Variants in DOCK3 observed in about 807,000 individuals in gnomAD.
DOCK3 encodes the protein dedicator of cytokinesis protein 3.
In DOCK3, 60 loss-of-function variants were observed where a neutral mutation model predicts 265.6. The ratio of observed to expected loss-of-function variants is 0.23; its 90% CI spans 0.18 to 0.28. The LOEUF (loss-of-function observed/expected upper bound fraction) is 0.28. Among genes scored for constraint, DOCK3 ranks in the 10% least tolerant of loss-of-function variants. The probability of loss-of-function intolerance (pLI) is 1.00; values close to 1 mark genes in which losing one functional copy is unlikely to be tolerated. For missense variants in DOCK3, 1,981 were observed against 2,594.3 expected, an observed-to-expected ratio of 0.76 and a Z score of 5.14; for synonymous variants, 881 against 938.0, an observed-to-expected ratio of 0.94 and a Z score of 1.11.
At chr3:50,926,857 C>CAG (rs2050783514) in intron 4 of DOCK3, among the ~76,000 whole-genome samples, 2 of 152,326 alleles carry the variant, frequency 1.3e-5, no homozygotes, top group African/African-American at 2.4e-5. Flanking sequence ...GCACCACCTT[C>CAG]TAACTGGTCT....
At chr3:51,307,649 G>T (rs2082760883) in intron 27 of DOCK3, among the ~76,000 whole-genome samples, 1 of 151,928 alleles carries the variant, frequency 6.6e-6, no homozygotes, top group Non-Finnish European at 1.5e-5. Context: ...AGAGCCTCAA[G>T]GTCAGCACAG....
chr3:50,887,926 A>C (rs2048423058), intron 3 of DOCK3, among the ~76,000 whole-genome samples: 1 of 152,194 alleles, frequency 6.6e-6, no homozygotes, highest in Admixed American at 6.5e-5. Context: ...AAAAACTGGA[A>C]GTATTCACTT....
chr3:51,277,505 A>C (rs140490155), intron 25 of DOCK3, 103 bp from the exon 26 acceptor site: 2 of 1,394,740 alleles, frequency 1.4e-6, no homozygotes, highest in Non-Finnish European at 1.9e-6. Flanking sequence ...TGGTGTTGGG[A>C]ATCCAGAAGA....
Position 51,263,487 on chromosome 3 carries a change from C to T in DOCK3, c.2355+3161C>T, listed in dbSNP as rs575701024. Among the ~76,000 whole-genome samples the T allele has an allele frequency of 1.1e-4, 16 of 152,180 alleles. 2 individuals carry two copies. Among genetic ancestry groups the T allele is most frequent in the South Asian group, 6.2e-4 (3 of 4,828 alleles). On this transcript the variant is annotated intron_variant, in intron 23 of 52. Coordinates refer to ENST00000266037, the MANE Select transcript of DOCK3 (RefSeq NM_004947.5). ...AAACATACCAAATTATAAGGATCAT[C>T]GACACTATGAAGAAACTGCATCAAC...
At chr3:51,371,869 A>G (rs1227294248) in intron 49 of DOCK3, among the ~76,000 whole-genome samples, 1 of 152,230 alleles carries the variant, frequency 6.6e-6, no homozygotes, top group Non-Finnish European at 1.5e-5. Flanking sequence ...TGTGAGCTCC[A>G]TGAGGTGAGA....
intron 11 of DOCK3, 101 bp from the exon 12 acceptor site, chr3:51,160,454 C>T: frequency 1.4e-6 from 2 of 1,419,462 alleles, no homozygotes; most frequent in Non-Finnish European, 1.9e-6. Flanking sequence ...TAGAGGATTT[C>T]CTAGGTGCCT....
chr3:50,957,043 G>A (rs2076750699), intron 5 of DOCK3, among the ~76,000 whole-genome samples: 1 of 152,132 alleles, frequency 6.6e-6, no homozygotes, highest in Non-Finnish European at 1.5e-5. Flanking sequence ...GGGATTACAG[G>A]CGTGAGCCAC....
chr3:51,032,589 AT>A (rs1273389234), intron 5 of DOCK3, among the ~76,000 whole-genome samples: 4 of 152,044 alleles, frequency 2.6e-5, no homozygotes, highest in Non-Finnish European at 5.9e-5. Context: ...TCATGGATAA[AT>A]TTTTTCTTTT....
At chr3:51,248,985 T>C (rs1342710002) in intron 22 of DOCK3, among the ~76,000 whole-genome samples, 6 of 110,260 alleles carry the variant, frequency 5.4e-5, no homozygotes, top group South Asian at 3.0e-4. Flanking sequence ...GTGAGGAGCC[T>C]CTCCGCCCGG....
At chr3:51,004,185 T>C (rs1347273439) in intron 5 of DOCK3, among the ~76,000 whole-genome samples, 1 of 152,076 alleles carries the variant, frequency 6.6e-6, no homozygotes, top group African/African-American at 2.4e-5. Flanking sequence ...GATGCCCGTT[T>C]TTTCTTTCTT....
chr3:51,094,501 A>G (rs2082752123), intron 9 of DOCK3, among the ~76,000 whole-genome samples: 1 of 152,034 alleles, frequency 6.6e-6, no homozygotes, highest in Admixed American at 6.6e-5. Flanking sequence ...TTTTTGTGCA[A>G]TAAGTGGTGA....
chr3:51,122,941 A>G (rs895870890), intron 9 of DOCK3, among the ~76,000 whole-genome samples: 2 of 152,226 alleles, frequency 1.3e-5, no homozygotes, highest in African/African-American at 4.8e-5. Flanking sequence ...GCTTCAGAGG[A>G]TACATAGATC....
intron 3 of DOCK3, among the ~76,000 whole-genome samples, chr3:50,860,012 G>A (rs556177777): frequency 2.0e-5 from 3 of 152,308 alleles, no homozygotes; most frequent in Middle Eastern, 3.4e-3. Context: ...CTTGGTACTG[G>A]TTGTGGCCAA....
chr3:50,873,857 G>A (rs190451401), intron 3 of DOCK3, among the ~76,000 whole-genome samples: 44 of 152,198 alleles, frequency 2.9e-4, no homozygotes, highest in South Asian at 2.1e-4. Flanking sequence ...CCCAATTTCC[G>A]CGCTGTTTCT....
intron 12 of DOCK3, among the ~76,000 whole-genome samples, chr3:51,167,995 G>A (rs1217800894): frequency 1.3e-5 from 2 of 152,096 alleles, no homozygotes; most frequent in Admixed American, 6.5e-5. Flanking sequence ...TGATGAGAGT[G>A]GACATCTTTG....
chr3:51,091,458 C>G (rs546842149), intron 9 of DOCK3, among the ~76,000 whole-genome samples: 1 of 151,956 alleles, frequency 6.6e-6, no homozygotes, highest in Non-Finnish European at 1.5e-5. Context: ...CCGAGGAGGG[C>G]GAATCACGAA....
intron 5 of DOCK3, among the ~76,000 whole-genome samples, chr3:51,003,636 C>A (rs1190858857): frequency 6.6e-6 from 1 of 152,108 alleles, no homozygotes; most frequent in African/African-American, 2.4e-5. Context: ...TTTTCTATGC[C>A]AACTTTTTAA....
chr3:50,678,172 G>T (rs1200429961), intron 1 of DOCK3, among the ~76,000 whole-genome samples: 1 of 149,362 alleles, frequency 6.7e-6, no homozygotes, highest in Non-Finnish European at 1.5e-5. Flanking sequence ...CTTTCTTTTT[G>T]TGGTACTGTA....
chr3:50,963,255 T>C (rs1283483437), intron 5 of DOCK3, among the ~76,000 whole-genome samples: 2 of 152,234 alleles, frequency 1.3e-5, no homozygotes, highest in Non-Finnish European at 1.5e-5. Flanking sequence ...CAGACCATCT[T>C]ACCTGTAAGT....
Sources: gnomAD v4.1 joint callset for allele counts (sites outside exome capture counted in the v4.1 genomes callset) on GRCh38, gnomAD v4.1.1 for gene constraint, MANE v1.5 for transcripts, NCBI Gene and HGNC (gene_info 2026-07-23, HGNC 2026-07-21) for gene names.